The following NLGN4X variants were observed in gnomAD, a reference collection of about 807,000 sequenced individuals.
NLGN4X encodes neuroligin-4, X-linked.
NLGN4X carries 3 observed loss-of-function variants against 40.3 expected under a neutral mutation model. The observed-to-expected ratio is 0.07, with a 90% CI of 0.03 to 0.19. The LOEUF (loss-of-function observed/expected upper bound fraction) is 0.19. NLGN4X is among the 10% of genes least tolerant of loss of function. The pLI, the probability that NLGN4X is intolerant of heterozygous loss-of-function variation, is 1.00. For missense variants in NLGN4X, 382 were observed against 708.3 expected (o/e 0.54, Z 5.23); for synonymous variants, 270 against 306.8 (o/e 0.88, Z 1.25).
At chrX:6,153,878 C>G (rs932068403) in intron 1 of NLGN4X, among the ~76,000 whole-genome samples, 1 of 112,457 alleles carries the variant, frequency 8.9e-6, no homozygotes, top group Non-Finnish European at 1.9e-5. Context: ...TATGAAGCAG[C>G]AGCAACCTAA....
At chrX:6,042,730 T>TATACACACAC (rs1215396694) in intron 2 of NLGN4X, among the ~76,000 whole-genome samples, 29 of 20,157 alleles carry the variant, frequency 1.4e-3, no homozygotes, top group East Asian at 5.4e-3. Context: ...TATATATATA[T>TATACACACAC]ACACACACAC....
At chrX:6,087,861 C>A (rs1168491804) in intron 2 of NLGN4X, among the ~76,000 whole-genome samples, 1 of 112,243 alleles carries the variant, frequency 8.9e-6, no homozygotes, top group Non-Finnish European at 1.9e-5. Flanking sequence ...TGAGACTGGA[C>A]ATTGTTATTG....
intron 2 of NLGN4X, among the ~76,000 whole-genome samples, chrX:6,145,144 A>G (rs951377713): frequency 9.0e-6 from 1 of 111,139 alleles, no homozygotes; most frequent in African/African-American, 3.3e-5. Flanking sequence ...CCCCCTGCCA[A>G]CTGGTATACA....
intron 1 of NLGN4X, among the ~76,000 whole-genome samples, chrX:6,164,816 G>T (rs1186375258): frequency 8.9e-6 from 1 of 111,765 alleles, no homozygotes; most frequent in African/African-American, 3.2e-5. Context: ...AGGTTACTTT[G>T]TTTTAGGCAG....
chrX:6,119,168 A>G (rs1456191704), intron 2 of NLGN4X, among the ~76,000 whole-genome samples: 1 of 112,040 alleles, frequency 8.9e-6, no homozygotes, highest in Non-Finnish European at 1.9e-5. Context: ...AATTATCAGC[A>G]CCTAGAAAAG....
chrX:5,906,954 C>T (rs948613858), intron 4 of NLGN4X, among the ~76,000 whole-genome samples: 31 of 110,960 alleles, frequency 2.8e-4, no homozygotes, highest in African/African-American at 8.9e-4. Flanking sequence ...GTGGTGGGCG[C>T]CTGTAATCCC....
In NLGN4X at chrX:5,893,012, C is replaced by T. The variant is rs2031273187; in HGVS notation, c.2256G>A (p.Leu752=). 8.3e-7 allele frequency: 1 copy of T among 1,211,344 alleles called. No homozygotes were observed. Residue 752 remains leucine, a synonymous_variant, in exon 6 of 6, where the codon CTG becomes CTA. Coordinates refer to ENST00000381095, the MANE Select transcript of NLGN4X (RefSeq NM_181332.3). The part of the protein sequence containing the change: ...ECESLQAHDT[L]RLTCPPDYTL... ...TGTAGTCTGGCGGGCAGGTGAGCCTCAGTGTGTCGTGTGCCTGCAGCGACT... is the reference window on the plus strand; with the variant it reads ...TGTAGTCTGGCGGGCAGGTGAGCCTTAGTGTGTCGTGTGCCTGCAGCGACT...
rs768824269 is a variant in NLGN4X at position 6,003,881 on chromosome X, G to A, written c.625+25399C>T. ...GGGCTACCCTCTACTAGATGCTGCC[G>A]TGGGGCTGGTATGGAGTTCATTCTT... On this transcript the variant is annotated intron_variant, in intron 3 of 5. Coordinates refer to ENST00000381095, the MANE Select transcript of NLGN4X (RefSeq NM_181332.3). Among the ~76,000 whole-genome samples the A allele has an allele frequency of 3.6e-5, 4 of 111,235 alleles. No homozygotes were observed. The South Asian group carries it at 1.5e-3, about 42-fold the overall frequency.
intron 2 of NLGN4X, among the ~76,000 whole-genome samples, chrX:6,037,822 T>G (rs2037058472): frequency 9.0e-6 from 1 of 111,428 alleles, no homozygotes; most frequent in South Asian, 3.8e-4. Flanking sequence ...ATTGATTATT[T>G]TGTCACTTGG....
chrX:6,031,479 G>A (rs1197811066), intron 2 of NLGN4X, among the ~76,000 whole-genome samples: 1 of 111,205 alleles, frequency 9.0e-6, no homozygotes, highest in Non-Finnish European at 1.9e-5. Context: ...CACAGCAAGG[G>A]TGTTGGCAAG....
At chrX:5,989,245 G>C (rs1280650450) in intron 3 of NLGN4X, among the ~76,000 whole-genome samples, 10 of 111,172 alleles carry the variant, frequency 9.0e-5, no homozygotes, top group African/African-American at 3.3e-4. Context: ...CCTCCTTAAG[G>C]ATTAAGACTT....
At chrX:6,005,409 G>C (rs1031763473) in intron 3 of NLGN4X, among the ~76,000 whole-genome samples, 1 of 111,487 alleles carries the variant, frequency 9.0e-6, no homozygotes. Flanking sequence ...TCTGAGATGG[G>C]GATGTGTCTC....
At chrX:6,103,558 C>T (rs765525821) in intron 2 of NLGN4X, among the ~76,000 whole-genome samples, 5 of 111,787 alleles carry the variant, frequency 4.5e-5, no homozygotes, top group East Asian at 5.7e-4. Flanking sequence ...ACAACATCTG[C>T]GAAATTTTAC....
At chrX:6,176,232 G>A (rs1277810703) in intron 1 of NLGN4X, among the ~76,000 whole-genome samples, 1 of 111,945 alleles carries the variant, frequency 8.9e-6, no homozygotes, top group East Asian at 2.8e-4. Flanking sequence ...TGAACCTTCA[G>A]GGGGCCAAGG....
chrX:6,205,587 G>T (rs993556440), intron 1 of NLGN4X, among the ~76,000 whole-genome samples: 17 of 112,387 alleles, frequency 1.5e-4, no homozygotes, highest in African/African-American at 5.5e-4. Context: ...TTTGTTTAAT[G>T]GTTTACAATT....
chrX:5,910,969 AT>A (rs1311794508), intron 3 of NLGN4X, among the ~76,000 whole-genome samples: 2 of 111,370 alleles, frequency 1.8e-5, no homozygotes, highest in Non-Finnish European at 3.8e-5. Context: ...TTAATTAGCA[AT>A]TACTAATTAG....
intron 1 of NLGN4X, chrX:6,187,846 G>C (rs181445297): frequency 8.9e-6 from 1 of 111,888 alleles, no homozygotes; most frequent in Non-Finnish European, 1.9e-5. Flanking sequence ...TGAAACTGTT[G>C]CCTCAGCATG....
chrX:6,082,592 T>C (rs1339468765), intron 2 of NLGN4X, among the ~76,000 whole-genome samples: 3 of 111,395 alleles, frequency 2.7e-5, no homozygotes, highest in African/African-American at 9.8e-5. Context: ...AATAGATAGA[T>C]AGCATACATA....
intron 3 of NLGN4X, among the ~76,000 whole-genome samples, chrX:5,911,599 T>C (rs1169473998): frequency 8.9e-6 from 1 of 112,438 alleles, no homozygotes; most frequent in Non-Finnish European, 1.9e-5. Flanking sequence ...GTTTCTGCCA[T>C]GGCATTTTCA....
Sources: gnomAD v4.1 joint callset for allele counts (sites outside exome capture counted in the v4.1 genomes callset) on GRCh38, gnomAD v4.1.1 for gene constraint, MANE v1.5 for transcripts, NCBI Gene and HGNC (gene_info 2026-07-23, HGNC 2026-07-21) for gene names.